CDH4: variants seen among roughly 807,000 people sequenced by gnomAD.
The protein encoded by CDH4 is cadherin 4.
A neutral mutation model predicts 86.0 loss-of-function variants in CDH4; 33 were observed. The observed-to-expected ratio is 0.38, with a 90% CI of 0.29 to 0.51. The LOEUF (loss-of-function observed/expected upper bound fraction) is 0.51. CDH4 is among the 20% of genes least tolerant of loss of function. CDH4 has a pLI of 0.86. For synonymous variants in CDH4, 555 were observed against 549.4 expected, an observed-to-expected ratio of 1.01 and a Z score of -0.14; for missense variants, 1,114 against 1,307.4, an observed-to-expected ratio of 0.85 and a Z score of 2.28.
intron 2 of CDH4, among the ~76,000 whole-genome samples, chr20:61,586,928 A>T (rs2086481255): frequency 6.6e-6 from 1 of 152,222 alleles, no homozygotes; most frequent in Admixed American, 6.5e-5. Flanking sequence ...AAGCCTGGGG[A>T]TAAAATCATA....
At chr20:61,470,922 G>A (rs893471973) in intron 2 of CDH4, among the ~76,000 whole-genome samples, 4 of 152,082 alleles carry the variant, frequency 2.6e-5, no homozygotes, top group Non-Finnish European at 5.9e-5. Flanking sequence ...TTAATGTGCT[G>A]TTGAAATTGG....
intron 2 of CDH4, among the ~76,000 whole-genome samples, chr20:61,431,408 G>A (rs1472351164): frequency 6.8e-6 from 1 of 146,478 alleles, no homozygotes; most frequent in African/African-American, 2.5e-5. Context: ...TGCCCAGGCT[G>A]GAGTGTAGTT....
intron 6 of CDH4, among the ~76,000 whole-genome samples, chr20:61,854,519 G>C (rs56885731): frequency 2.5e-3 from 217 of 86,652 alleles, no homozygotes; most frequent in Middle Eastern, 9.3e-3. Flanking sequence ...ACCCCCAGGG[G>C]TGCAGTGTGA....
intron 2 of CDH4, among the ~76,000 whole-genome samples, chr20:61,692,215 A>G (rs12481121): frequency 0.21 from 31,488 of 150,634 alleles, 3,432 homozygotes; most frequent in Admixed American, 0.27. Context: ...ATGTCTATGT[A>G]TGTATGTGTG....
At chr20:61,737,438 C>T (rs1254468581) in intron 2 of CDH4, among the ~76,000 whole-genome samples, 1 of 152,124 alleles carries the variant, frequency 6.6e-6, no homozygotes, top group African/African-American at 2.4e-5. Context: ...CCGCAAACAC[C>T]CTGCACGGCT....
chr20:61,324,873 T>C (rs1245449345), intron 2 of CDH4, among the ~76,000 whole-genome samples: 2 of 152,096 alleles, frequency 1.3e-5, no homozygotes, highest in Non-Finnish European at 2.9e-5. Flanking sequence ...CAGGAGAGCT[T>C]TGGGACATGG....
At chr20:61,930,245 T>G (rs1462396313) in intron 13 of CDH4, among the ~76,000 whole-genome samples, 2 of 152,218 alleles carry the variant, frequency 1.3e-5, no homozygotes, top group African/African-American at 4.8e-5. Context: ...ACTCTCTGAT[T>G]GGACTGGCTT....
chr20:61,264,986 C>A (rs1289809407), intron 2 of CDH4, among the ~76,000 whole-genome samples: 2 of 142,558 alleles, frequency 1.4e-5, no homozygotes, highest in Non-Finnish European at 1.5e-5. Context: ...CCTACACATA[C>A]CTCAGTGGCT....
chr20:61,535,493 T>C (rs1368951542), intron 2 of CDH4, among the ~76,000 whole-genome samples: 1 of 152,188 alleles, frequency 6.6e-6, no homozygotes, highest in African/African-American at 2.4e-5. Context: ...GGGGAAAAAA[T>C]CAATTTGTAG....
chr20:61,695,984 C>T (rs901468408), intron 2 of CDH4, among the ~76,000 whole-genome samples: 2 of 152,206 alleles, frequency 1.3e-5, no homozygotes, highest in Non-Finnish European at 2.9e-5. Flanking sequence ...GCTCCTCTTC[C>T]ATGAGGCCCC....
chr20:61,650,810 T>G (rs139551728), intron 2 of CDH4, among the ~76,000 whole-genome samples: 1 of 152,380 alleles, frequency 6.6e-6, no homozygotes, highest in East Asian at 1.9e-4. Context: ...AGCTAACAAT[T>G]AGCTCCGTCT....
At chr20:61,525,849 C>T (rs1026186002) in intron 2 of CDH4, among the ~76,000 whole-genome samples, 4 of 152,106 alleles carry the variant, frequency 2.6e-5, no homozygotes, top group African/African-American at 4.8e-5. Context: ...GTGGCCGGGC[C>T]GGGCACCGTA....
intron 2 of CDH4, among the ~76,000 whole-genome samples, chr20:61,398,877 C>T (rs939513514): frequency 6.6e-6 from 1 of 152,206 alleles, no homozygotes; most frequent in Non-Finnish European, 1.5e-5. Context: ...GAGCAGGACT[C>T]TCACAGTCAG....
chr20:61,315,482 G>A (rs774609652), intron 2 of CDH4, among the ~76,000 whole-genome samples: 10 of 152,142 alleles, frequency 6.6e-5, no homozygotes, highest in Non-Finnish European at 1.0e-4. Context: ...CATCAGCCCG[G>A]CTTCGGTGTA....
At chr20:61,742,400 G>A (rs913958921) in intron 2 of CDH4, among the ~76,000 whole-genome samples, 2 of 152,212 alleles carry the variant, frequency 1.3e-5, no homozygotes, top group African/African-American at 4.8e-5. Context: ...ATTGAGAAGA[G>A]GGAACAGACA....
intron 2 of CDH4, among the ~76,000 whole-genome samples, chr20:61,312,900 G>A (rs34084883): frequency 0.045 from 6,821 of 152,242 alleles, 196 homozygotes; most frequent in African/African-American, 0.067. Flanking sequence ...GCAGAGAAGC[G>A]AGCTTGCCTG....
At chr20:61,650,541 TA>T (rs1484264688) in intron 2 of CDH4, among the ~76,000 whole-genome samples, 18 of 152,210 alleles carry the variant, frequency 1.2e-4, no homozygotes. Context: ...GCTTTTCTAT[TA>T]AACATTTCTT....
chr20:61,324,213 G>A (rs2084524900), intron 2 of CDH4, among the ~76,000 whole-genome samples: 1 of 152,190 alleles, frequency 6.6e-6, no homozygotes, highest in African/African-American at 2.4e-5. Context: ...GGGATGCTGG[G>A]CCTGAGCAGG....
chr20:61,755,234 G>A (rs2088547304), intron 3 of CDH4, among the ~76,000 whole-genome samples: 1 of 150,582 alleles, frequency 6.6e-6, no homozygotes, highest in African/African-American at 2.4e-5. Context: ...AATGTAAGAT[G>A]AGATTTGGGT....
Sources: allele counts gnomAD v4.1 joint callset (sites outside exome capture counted in the v4.1 genomes callset), GRCh38; gene constraint gnomAD v4.1.1; transcripts MANE v1.5; gene names NCBI Gene and HGNC (gene_info 2026-07-23, HGNC 2026-07-21).